The following PCDHGB4 variants were observed in gnomAD, a reference collection of about 807,000 sequenced individuals.
PCDHGB4 encodes the protein protocadherin gamma-B4.
In PCDHGB4, 38 loss-of-function variants were observed where a neutral mutation model predicts 60.5. The observed-to-expected ratio is 0.63, with a 90% CI of 0.48 to 0.82. The LOEUF (loss-of-function observed/expected upper bound fraction) is 0.82. Ranked by LOEUF, PCDHGB4 falls within the 40% of genes least tolerant of loss-of-function variation. PCDHGB4 has a pLI of 0.00. For missense variants in PCDHGB4, 1,109 were observed against 1,209.6 expected (o/e 0.92, Z 1.23); for synonymous variants, 456 against 509.7 (o/e 0.89, Z 1.42).
chr5:141,413,806 A>C, intron 1 of PCDHGB4: 1 of 1,613,168 alleles, frequency 6.2e-7, no homozygotes. Flanking sequence ...GGAAGAGGCC[A>C]TTCACCACCT....
At chr5:141,399,515 C>G (rs748098945) in intron 1 of PCDHGB4, 1 of 1,614,040 alleles carries the variant, frequency 6.2e-7, no homozygotes, top group Non-Finnish European at 8.5e-7. Context: ...AACAACCCTC[C>G]TGGGGCCTCC....
intron 1 of PCDHGB4, chr5:141,421,419 A>T (rs778839137): frequency 1.2e-6 from 2 of 1,614,072 alleles, no homozygotes; most frequent in Non-Finnish European, 1.7e-6. Context: ...CGAAGCGCGG[A>T]GTCCGCATCG....
intron 1 of PCDHGB4, among the ~76,000 whole-genome samples, chr5:141,473,990 G>A (rs988540565): frequency 2.0e-5 from 3 of 152,130 alleles, no homozygotes; most frequent in African/African-American, 7.2e-5. Flanking sequence ...GATCCCTTGA[G>A]CCCAAGGAGC....
Position 141,390,256 on chromosome 5 carries a change from A to G in PCDHGB4, c.2372A>G (p.Asn791Ser), listed in dbSNP as rs2150415347. The change falls in exon 1 of 4, where the codon AAT becomes AGT. Residue 791 changes from asparagine (N) to serine (S), a missense_variant. Asn to Ser is a conservative substitution (Grantham distance 46, BLOSUM62 1). This residue lies in a region of PCDHGB4 where 1,068 missense variants were observed against 1,089.9 expected (regional missense o/e 0.98). Coordinates refer to ENST00000519479, the MANE Select transcript of PCDHGB4 (RefSeq NM_003736.4). ...TCTGGGGCCTTATTTCCACTTTGTAATTCCAGTGAATTGACTTCCCATCAG... is the reference window on the plus strand; with the variant it reads ...TCTGGGGCCTTATTTCCACTTTGTAGTTCCAGTGAATTGACTTCCCATCAG... ...DSSGALFPLC[N>S]SSELTSHQQA... 6 of 1,614,022 alleles carry G rather than the reference A, an allele frequency of 3.7e-6. No homozygotes were observed. The East Asian group carries it at 1.3e-4, about 36-fold the overall frequency.
At chr5:141,423,187 C>G in intron 1 of PCDHGB4, 5 of 1,613,640 alleles carry the variant, frequency 3.1e-6, no homozygotes, top group Middle Eastern at 1.6e-4. Context: ...CGGCCAGCCC[C>G]CTCTCTCGGC....
chr5:141,455,364 G>C (rs2098820282), intron 1 of PCDHGB4, among the ~76,000 whole-genome samples: 1 of 152,252 alleles, frequency 6.6e-6, no homozygotes, highest in South Asian at 2.1e-4. Flanking sequence ...TAGGCAAGAA[G>C]GAAGGGAGAA....
At chr5:141,404,776 A>G (rs2094566348) in intron 1 of PCDHGB4, 1 of 1,612,952 alleles carries the variant, frequency 6.2e-7, no homozygotes, top group Non-Finnish European at 8.5e-7. Flanking sequence ...CCTACCGCCT[A>G]TTCAAGGCCA....
chr5:141,421,130 A>G, intron 1 of PCDHGB4: 1 of 827,800 alleles, frequency 1.2e-6, no homozygotes, highest in South Asian at 1.8e-5. Context: ...GCTTTCTGAT[A>G]TATTTTGGAT....
chr5:141,487,709 A>G lies in PCDHGB4; in HGVS notation c.2398-7098A>G. On this transcript the variant is annotated intron_variant, in intron 1 of 3. Coordinates refer to ENST00000519479, the MANE Select transcript of PCDHGB4 (RefSeq NM_003736.4). This position sits in a 1 kb window ranked among gnomAD's most constrained non-coding sequence, Gnocchi z 5.0. ...CCTAGAGAGTACTGGCCTCTCAGTA[A>G]GTGCCCATAGTGATGTCACCATTTT... is the stretch of plus-strand genomic sequence containing the variant. 6.3e-7 allele frequency: 1 copy of G among 1,586,184 alleles called. No individual in the cohort carries two copies. Among genetic ancestry groups the G allele is most frequent in the South Asian group, 1.1e-5 (1 of 87,958 alleles).
intron 1 of PCDHGB4, among the ~76,000 whole-genome samples, chr5:141,406,174 G>T (rs990967391): frequency 6.6e-6 from 1 of 151,264 alleles, no homozygotes; most frequent in African/African-American, 2.4e-5. Context: ...CTGGGCTTAT[G>T]CAATCCTCCC....
chr5:141,449,592 A>C (rs1344646010), intron 1 of PCDHGB4, among the ~76,000 whole-genome samples: 1 of 150,266 alleles, frequency 6.7e-6, no homozygotes, highest in African/African-American at 2.4e-5. Context: ...CTGTCTCAAA[A>C]AAAAAAAAAA....
chr5:141,476,267 G>T lies in PCDHGB4; in HGVS notation c.2398-18540G>T, dbSNP rs373758158. 15 of 1,614,056 alleles carry T rather than the reference G, an allele frequency of 9.3e-6. No homozygotes were observed. In the South Asian group the frequency reaches 1.6e-4, roughly 18 times the overall value. On this transcript the variant is annotated intron_variant, in intron 1 of 3. Transcript: ENST00000519479. This position sits in a 1 kb window ranked among gnomAD's most constrained non-coding sequence, Gnocchi z 7.6. ...GAAGGGTTTCGCTGTGGGCAACGTGGTCGCGAACCTTGGTTTGGATCTCGG... is the reference window on the plus strand; with the variant it reads ...GAAGGGTTTCGCTGTGGGCAACGTGTTCGCGAACCTTGGTTTGGATCTCGG...
intron 1 of PCDHGB4, chr5:141,405,033 T>TTGTGGC: frequency 6.2e-7 from 1 of 1,613,962 alleles, no homozygotes; most frequent in Non-Finnish European, 8.5e-7. Context: ...CTCTACCTCG[T>TTGTGGC]TGTGGCTGTG....
Position 141,477,657 on chromosome 5 carries a change from G to C in PCDHGB4, c.2398-17150G>C. 4 of 1,614,190 alleles carry C rather than the reference G, an allele frequency of 2.5e-6. No individual in the cohort carries two copies. Among genetic ancestry groups the C allele is most frequent in the Non-Finnish European group, 3.4e-6 (4 of 1,180,038 alleles). The stretch of plus-strand genomic sequence containing the variant: ...GTGGGTCGCTATTTCACAATAAATC[G>C]TGACAATGGCATAGTGTCATCCTTA... On this transcript the variant is annotated intron_variant, in intron 1 of 3. Coordinates refer to ENST00000519479, the MANE Select transcript of PCDHGB4 (RefSeq NM_003736.4). The surrounding 1 kb of genome is among the most constrained non-coding windows in gnomAD (Gnocchi z 4.9).
chr5:141,423,610 G>GT, intron 1 of PCDHGB4: 1 of 1,611,424 alleles, frequency 6.2e-7, no homozygotes, highest in African/African-American at 1.3e-5. Context: ...ACTCTTGATA[G>GT]CTGAAGACTC....
chr5:141,403,052 T>G (rs1336291522), intron 1 of PCDHGB4: 4 of 1,614,066 alleles, frequency 2.5e-6, no homozygotes, highest in Admixed American at 1.7e-5. Context: ...GATTCGCTAC[T>G]CAGTGCCTGA....
chr5:141,414,789 C>T, intron 1 of PCDHGB4: 1 of 1,614,218 alleles, frequency 6.2e-7, no homozygotes, highest in East Asian at 2.2e-5. Context: ...AGGTGACAGC[C>T]AGCGACAGCG....
At chr5:141,414,882 C>T (rs759814512) in intron 1 of PCDHGB4, 7 of 1,614,104 alleles carry the variant, frequency 4.3e-6, no homozygotes, top group East Asian at 4.5e-5. Context: ...TCCTGTACCC[C>T]GCCCTCCCCA....
intron 1 of PCDHGB4, chr5:141,408,089 G>C: frequency 7.0e-7 from 1 of 1,424,386 alleles, no homozygotes; most frequent in Non-Finnish European, 9.2e-7. Flanking sequence ...ACAGCGGATT[G>C]CCAGCTCCGA....
Sources: allele counts gnomAD v4.1 joint callset (sites outside exome capture counted in the v4.1 genomes callset), GRCh38; gene constraint gnomAD v4.1.1; regional missense constraint gnomAD v4.1.1; non-coding constraint Gnocchi (gnomAD v3.1); transcripts MANE v1.5; gene names NCBI Gene and HGNC (gene_info 2026-07-23, HGNC 2026-07-21).